The following CLTRN variants were observed in gnomAD, a reference collection of about 807,000 sequenced individuals.
CLTRN encodes the protein collectrin, amino acid transport regulator, also known as collectrin.
Under a neutral mutation model 14.5 loss-of-function variants are expected in CLTRN, and 12 were observed. The observed-to-expected ratio is 0.83, with a 90% CI of 0.53 to 1.34. CLTRN has a LOEUF of 1.34. Among genes scored for constraint, CLTRN ranks in the 40% most tolerant of loss-of-function variants. CLTRN has a pLI of 0.00. For missense variants in CLTRN, 154 were observed against 165.1 expected (o/e 0.93, Z 0.37); for synonymous variants, 58 against 56.5 (o/e 1.03, Z -0.12).
At chrX:15,634,857 G>A (rs914483740) in intron 5 of CLTRN, among the ~76,000 whole-genome samples, 5 of 105,426 alleles carry the variant, frequency 4.7e-5, no homozygotes, top group East Asian at 3.1e-4. Context: ...TGGGTGCAGC[G>A]CACCAGCATG....
intron 4 of CLTRN, 128 bp downstream of exon 4, chrX:15,644,788 A>T (rs1929021460): frequency 2.2e-6 from 1 of 457,696 alleles, no homozygotes; most frequent in East Asian, 4.0e-5. Context: ...AACAAAATGA[A>T]ATCTTTGTCA....
chrX:15,664,823 C>G (rs781446459), upstream of CLTRN: 3 of 1,060,896 alleles, frequency 2.8e-6, no homozygotes. Context: ...AAAAAATCCA[C>G]GCTGCACTTA....
chrX:15,659,795 C>A (rs1043486226), intron 2 of CLTRN, among the ~76,000 whole-genome samples: 2 of 111,650 alleles, frequency 1.8e-5, no homozygotes, highest in Admixed American at 9.5e-5. Flanking sequence ...GGAACAGATC[C>A]TTCCTTCACA....
chrX:15,645,522 CA>C (rs1929043645), intron 3 of CLTRN, among the ~76,000 whole-genome samples: 1 of 112,121 alleles, frequency 8.9e-6, no homozygotes, highest in East Asian at 2.8e-4. Flanking sequence ...AGGGCCAAGA[CA>C]AAAGGCACCT....
intron 2 of CLTRN, 128 bp downstream of exon 2, chrX:15,664,209 C>A (rs1029546575): frequency 6.7e-6 from 3 of 445,692 alleles, no homozygotes; most frequent in Non-Finnish European, 1.1e-5. Flanking sequence ...TTTAAGAAAT[C>A]AGATTTGAGG....
chrX:15,649,723 A>G (rs954768831), intron 3 of CLTRN, among the ~76,000 whole-genome samples: 6 of 110,945 alleles, frequency 5.4e-5, no homozygotes, highest in Non-Finnish European at 1.1e-4. Context: ...ACCCCCATAC[A>G]GATCCCATTT....
At chrX:15,639,117 T>C (rs1459449210) in intron 5 of CLTRN, among the ~76,000 whole-genome samples, 1 of 111,755 alleles carries the variant, frequency 8.9e-6, no homozygotes, top group Non-Finnish European at 1.9e-5. Flanking sequence ...CAAAGGCATC[T>C]GGGACAAGAT....
upstream of CLTRN, among the ~76,000 whole-genome samples, chrX:15,667,191 C>T (rs768720842): frequency 5.1e-4 from 57 of 111,392 alleles, no homozygotes; most frequent in Non-Finnish European, 7.4e-4. Context: ...GAGCCGAGAT[C>T]GTGCCACTGC....
chrX:15,630,359 AGAAAGAAGGAAGGAAGGAAGGAAG>A (rs1928662434), intron 5 of CLTRN, among the ~76,000 whole-genome samples: 2 of 58,350 alleles, frequency 3.4e-5, no homozygotes, highest in African/African-American at 1.9e-4. Flanking sequence ...CTTTACCACA[AGAAAGAAGGAAGGAAGGAAGGAAG>A]GAAGGAAGGA....
intron 4 of CLTRN, 64 bp from the exon 5 acceptor site, chrX:15,639,820 T>A (rs1384642204): frequency 1.0e-6 from 1 of 966,281 alleles, no homozygotes; most frequent in African/African-American, 2.0e-5. Context: ...TAAGACAAAG[T>A]ACAAACCTGT....
intron 5 of CLTRN, among the ~76,000 whole-genome samples, chrX:15,634,942 A>T (rs5935995): frequency 3.6e-4 from 39 of 107,239 alleles, no homozygotes; most frequent in South Asian, 2.0e-3. Context: ...ATAATAATAA[A>T]AAATAAATAA....
intron 4 of CLTRN, among the ~76,000 whole-genome samples, chrX:15,642,300 C>G (rs1484750422): frequency 1.8e-5 from 2 of 112,075 alleles, no homozygotes; most frequent in African/African-American, 6.5e-5. Flanking sequence ...GTATGTCTTT[C>G]AGCCAAGAGT....
intron 3 of CLTRN, among the ~76,000 whole-genome samples, chrX:15,654,060 C>T (rs984369668): frequency 8.9e-6 from 1 of 112,123 alleles, no homozygotes; most frequent in Non-Finnish European, 1.9e-5. Flanking sequence ...TCATCAATGG[C>T]GCCAGACAGG....
chrX:15,638,554 T>C (rs1178840944), intron 5 of CLTRN, among the ~76,000 whole-genome samples: 11 of 112,195 alleles, frequency 9.8e-5, no homozygotes, highest in Non-Finnish European at 1.9e-5. Flanking sequence ...TATTTTCAAA[T>C]GCATGTCACT....
intron 5 of CLTRN, among the ~76,000 whole-genome samples, chrX:15,634,141 T>C (rs1373555113): frequency 8.9e-6 from 1 of 111,785 alleles, no homozygotes; most frequent in Non-Finnish European, 1.9e-5. Context: ...GCTGTGTCCA[T>C]GACTGTCCTT....
intron 4 of CLTRN, among the ~76,000 whole-genome samples, chrX:15,640,698 G>T (rs914577170): frequency 4.4e-5 from 5 of 112,846 alleles, no homozygotes; most frequent in African/African-American, 1.6e-4. Context: ...CATGAACCAG[G>T]AGTGGCTTCA....
chrX:15,639,497 T>C, intron 5 of CLTRN, 65 bp downstream of exon 5: 1 of 1,023,428 alleles, frequency 9.8e-7, no homozygotes. Flanking sequence ...AATCCTCTCC[T>C]GATTTGTCCA....
intron 1 of CLTRN, among the ~76,000 whole-genome samples, chrX:15,669,953 T>C (rs985973384): frequency 8.0e-5 from 9 of 112,053 alleles, no homozygotes; most frequent in African/African-American, 1.6e-4. Flanking sequence ...TAATTGAACA[T>C]AGAAACTTTG....
intron 1 of CLTRN, among the ~76,000 whole-genome samples, chrX:15,672,840 C>A (rs1302599336): frequency 1.8e-5 from 2 of 112,041 alleles, no homozygotes; most frequent in Non-Finnish European, 3.8e-5. Context: ...TCAGCCACCC[C>A]AACTGAGCTA....
Sources: gnomAD v4.1 joint callset for allele counts (sites outside exome capture counted in the v4.1 genomes callset) on GRCh38, gnomAD v4.1.1 for gene constraint, MANE v1.5 for transcripts, NCBI Gene and HGNC (gene_info 2026-07-23, HGNC 2026-07-21) for gene names.